The following TNPO2 variants were observed in gnomAD, a reference collection of about 807,000 sequenced individuals.
TNPO2 encodes the protein transportin 2, also known as transportin-2.
A neutral mutation model predicts 111.1 loss-of-function variants in TNPO2; 16 were observed. The observed-to-expected ratio is 0.14, with a 90% CI of 0.10 to 0.22. TNPO2 has a LOEUF of 0.22. Among genes scored for constraint, TNPO2 ranks in the 10% least tolerant of loss-of-function variants. TNPO2 has a pLI of 1.00. For missense variants in TNPO2, 530 were observed against 1,173.7 expected, an observed-to-expected ratio of 0.45 and a Z score of 8.01; for synonymous variants, 481 against 475.8, an observed-to-expected ratio of 1.01 and a Z score of -0.14.
At position 12,699,656 on chromosome 19, in the gene TNPO2, C is replaced by CTA. The variant is rs2025187517; in HGVS notation, c.*1607_*1608insTA. ...AGAAAATTAAAAGGTATTTTTAAAA[C>CTA]TTTTTTTTTTTTTTTTAACAAATGG... is the stretch of plus-strand genomic sequence containing the variant. On this transcript the variant is annotated 3_prime_UTR_variant, in exon 26 of 26. Coordinates refer to ENST00000425528, the MANE Select transcript of TNPO2 (RefSeq NM_001382241.1). The CTA allele has an allele frequency of 1.4e-5, 2 of 138,964 alleles. No homozygotes were observed. Among genetic ancestry groups the CTA allele is most frequent in the African/African-American group, 5.3e-5 (2 of 37,848 alleles). The allele number at this position is 138,964 out of a possible 1,614,324, so 8.6% of individuals were successfully genotyped here. A position where few individuals can be genotyped will look rare whatever the true frequency, so the allele number is the denominator to read the frequency against.
chr19:12,701,833 G>A lies in TNPO2; in HGVS notation c.2430C>T (p.Asn810=), dbSNP rs763616818. 4 of 1,613,544 alleles carry A rather than the reference G, an allele frequency of 2.5e-6. No homozygotes were observed. Among genetic ancestry groups the A allele is most frequent in the Non-Finnish European group, 3.4e-6 (4 of 1,179,814 alleles). ...FIRPWCTSLR[N]IRDNEEKDSA... is the part of the protein sequence containing the mutation. Reference sequence around the variant, plus strand: ...AGTCCTTCTCCTCGTTGTCCCTGATGTTCCTGAGGGACGTGCACCTGTGGG... The same window carrying A: ...AGTCCTTCTCCTCGTTGTCCCTGATATTCCTGAGGGACGTGCACCTGTGGG... The change falls in exon 23 of 26, where the codon AAC becomes AAT. Residue 810 remains asparagine, a synonymous_variant. Coordinates refer to ENST00000425528, the MANE Select transcript of TNPO2 (RefSeq NM_001382241.1). This position sits in a 1 kb window ranked among gnomAD's most constrained non-coding sequence, Gnocchi z 5.0.
In TNPO2 at chr19:12,705,972, G is replaced by T; in HGVS notation, c.1669-204C>A. ...GCCCCACCCCACCCCCCGGGAGCCTGGGTTACCACCTCCTGGTTCCCGAAG... is the reference window on the plus strand; with the variant it reads ...GCCCCACCCCACCCCCCGGGAGCCTTGGTTACCACCTCCTGGTTCCCGAAG... On this transcript the variant is annotated intron_variant, in intron 15 of 25. Transcript: ENST00000425528. This position sits in a 1 kb window ranked among gnomAD's most constrained non-coding sequence, Gnocchi z 7.2. 1 of 657,394 alleles carries T rather than the reference G, an allele frequency of 1.5e-6. No individual in the cohort carries two copies. Among genetic ancestry groups the T allele is most frequent in the South Asian group, 2.0e-5 (1 of 50,656 alleles). 40.7% of individuals were successfully genotyped at this position (657,394 alleles called of 1,614,324 possible).
chr19:12,715,019 C>T lies in TNPO2; in HGVS notation c.771+28G>A, dbSNP rs755528457. The T allele has an allele frequency of 1.8e-5, 28 of 1,574,830 alleles. No individual in the cohort carries two copies. Among genetic ancestry groups the T allele is most frequent in the South Asian group, 1.1e-4 (9 of 85,142 alleles). ...CCCTGCCACCGGCCCCCTGCCTGCC[C>T]GCCTGGGCTGGCCTTGACCATGCAC... On this transcript the variant is annotated intron_variant, in intron 9 of 25. Transcript: ENST00000425528. The surrounding 1 kb of genome is among the most constrained non-coding windows in gnomAD (Gnocchi z 7.1).
chr19:12,700,479 G>A lies in TNPO2; in HGVS notation c.*785C>T, dbSNP rs1468398944. On this transcript the variant is annotated 3_prime_UTR_variant, in exon 26 of 26. Transcript: ENST00000425528. ...TCTGGCCAGCCCCAGCCACTCCAGT[G>A]GTTCTCACCCTGCGAGCTAGGCTAG... 2.6e-5 allele frequency: 4 copies of A among 152,292 alleles called. No homozygotes were observed. The highest frequency in any genetic ancestry group is 5.9e-5 in the Non-Finnish European group (4 of 68,136). 9.4% of individuals were successfully genotyped at this position (152,292 alleles called of 1,614,324 possible).
At position 12,702,992 on chromosome 19, in the gene TNPO2, T is replaced by C. The variant is rs190125393; in HGVS notation, c.2210-74A>G. The C allele has an allele frequency of 9.6e-5, 129 of 1,345,572 alleles. No individual in the cohort carries two copies. The African/African-American group carries it at 1.6e-3, about 16-fold the overall frequency. 83.4% of individuals were successfully genotyped at this position (1,345,572 alleles called of 1,614,324 possible). The stretch of plus-strand genomic sequence containing the variant: ...GGGCCAGGGGGCCGCCCCACCTCAC[T>C]CACTACTCGCCCCAGTTCCAACTAG... On this transcript the variant is annotated intron_variant, in intron 20 of 25. Coordinates refer to ENST00000425528, the MANE Select transcript of TNPO2 (RefSeq NM_001382241.1). This position sits in a 1 kb window ranked among gnomAD's most constrained non-coding sequence, Gnocchi z 5.5.
Position 12,705,216 on chromosome 19 carries a change from T to C in TNPO2, c.2022+24A>G. 6.3e-7 allele frequency: 1 copy of C among 1,591,064 alleles called. No homozygotes were observed. The highest frequency in any genetic ancestry group is 8.6e-7 in the Non-Finnish European group (1 of 1,169,362). Reference sequence around the variant, plus strand: ...AGCCCACGCAGGCTGCTGGGTGTCATCACTGTCCAGGGTCCCCACCCACCT... The same window carrying C: ...AGCCCACGCAGGCTGCTGGGTGTCACCACTGTCCAGGGTCCCCACCCACCT... On this transcript the variant is annotated intron_variant, in intron 18 of 25. Coordinates refer to ENST00000425528, the MANE Select transcript of TNPO2 (RefSeq NM_001382241.1). This position sits in a 1 kb window ranked among gnomAD's most constrained non-coding sequence, Gnocchi z 7.2.
chr19:12,708,011 G>A (rs766038516), intron 13 of TNPO2, among the ~76,000 whole-genome samples: 8 of 152,018 alleles, frequency 5.3e-5, no homozygotes, highest in Non-Finnish European at 1.0e-4. Context: ...TAGCAGAGAC[G>A]AAGTTTCACC....
chr19:12,712,031 CATT>C (rs1251885705), intron 10 of TNPO2, among the ~76,000 whole-genome samples: 4 of 152,034 alleles, frequency 2.6e-5, no homozygotes, highest in Non-Finnish European at 5.9e-5. Flanking sequence ...ATATGAATAT[CATT>C]AATCATTAGT....
Position 12,706,386 on chromosome 19 carries a change from A to C in TNPO2, c.1497-19T>G. On this transcript the variant is annotated intron_variant, in intron 14 of 25. Transcript: ENST00000425528. The surrounding 1 kb of genome is among the most constrained non-coding windows in gnomAD (Gnocchi z 7.0). Reference sequence around the variant, plus strand: ...AAAAGCACTGGTGGGAGGGAGGATGAAGCGGGGGCTCAGTGGACCATGGCA... The same window carrying C: ...AAAAGCACTGGTGGGAGGGAGGATGCAGCGGGGGCTCAGTGGACCATGGCA... 6.2e-7 allele frequency: 1 copy of C among 1,613,928 alleles called. No homozygotes were observed.
chr19:12,709,218 T>G (rs2025892852), intron 13 of TNPO2, among the ~76,000 whole-genome samples: 1 of 149,164 alleles, frequency 6.7e-6, no homozygotes, highest in Non-Finnish European at 1.5e-5. Flanking sequence ...AAAAATTAGC[T>G]GGGCGTGGTG....
At position 12,702,977 on chromosome 19, in the gene TNPO2, G is replaced by C; in HGVS notation, c.2210-59C>G. On this transcript the variant is annotated intron_variant, in intron 20 of 25. Transcript: ENST00000425528. The surrounding 1 kb of genome is among the most constrained non-coding windows in gnomAD (Gnocchi z 5.5). ...CCCCGCCACCCACAGGGGCCAGGGG[G>C]CCGCCCCACCTCACTCACTACTCGC... 7 of 1,508,334 alleles carry C rather than the reference G, an allele frequency of 4.6e-6. No individual in the cohort carries two copies. The highest frequency in any genetic ancestry group is 6.4e-6 in the Non-Finnish European group (7 of 1,090,112). The allele number at this position is 1,508,334 out of a possible 1,614,324, so 93.4% of individuals were successfully genotyped here.
rs1208032946 is a variant in TNPO2, at chr19:12,699,738, T to G, written c.*1526A>C. 1 of 152,158 alleles carries G rather than the reference T, an allele frequency of 6.6e-6. No individual in the cohort carries two copies. The highest frequency in any genetic ancestry group is 2.4e-5 in the African/African-American group (1 of 41,240). The allele number at this position is 152,158 out of a possible 1,614,324, so 9.4% of individuals were successfully genotyped here. ...GGGCGTGCAGGGACACCCAGCTAATTTATGGAATGTGTACTGAGTGCCCCT... is the reference window on the plus strand; with the variant it reads ...GGGCGTGCAGGGACACCCAGCTAATGTATGGAATGTGTACTGAGTGCCCCT... On this transcript the variant is annotated 3_prime_UTR_variant, in exon 26 of 26. Transcript: ENST00000425528.
intron 10 of TNPO2, among the ~76,000 whole-genome samples, chr19:12,712,415 T>C (rs2026116115): frequency 6.6e-6 from 1 of 152,228 alleles, no homozygotes; most frequent in African/African-American, 2.4e-5. Context: ...CAGTCAGGTT[T>C]GCCCGCAGTT....
chr19:12,715,098 A>C lies in TNPO2; in HGVS notation c.720T>G (p.Leu240=). 1 of 1,583,674 alleles carries C rather than the reference A, an allele frequency of 6.3e-7. No homozygotes were observed. The highest frequency in any genetic ancestry group is 8.6e-7 in the Non-Finnish European group (1 of 1,162,808). ...TGAGCCTGTCAATCCGCACTTCCAG[A>C]AGCATCACCAGGGCACGGCACACAT... ...RKNVCRALVM[L]LEVRIDRLIP... Residue 240 remains leucine, a synonymous_variant, in exon 9 of 26, where the codon CTT becomes CTG. Transcript: ENST00000425528. The surrounding 1 kb of genome is among the most constrained non-coding windows in gnomAD (Gnocchi z 7.1).
chr19:12,722,371 G>GGCGCGGCCCCGACGCCCGGGCCGC (rs1294459398), intron 2 of TNPO2: 2 of 149,816 alleles, frequency 1.3e-5, no homozygotes, highest in Non-Finnish European at 3.0e-5. Context: ...TTCCCGGTCG[G>GGCGCGGCCCCGACGCCCGGGCCGC]GCGCGGCCCC....
At position 12,702,855 on chromosome 19, in the gene TNPO2, G is replaced by C; in HGVS notation, c.2273C>G (p.Pro758Arg). 1 of 1,613,920 alleles carries C rather than the reference G, an allele frequency of 6.2e-7. No individual in the cohort carries two copies. Among genetic ancestry groups the C allele is most frequent in the East Asian group, 2.2e-5 (1 of 44,872 alleles). Residue 758 changes from proline (P) to arginine (R), a missense_variant, in exon 21 of 26, where the codon CCC becomes CGC. Around this residue, in one of 4 missense-constraint regions of TNPO2, gnomAD observed 183 missense variants for 481.0 expected, o/e 0.38. Transcript: ENST00000425528. This position sits in a 1 kb window ranked among gnomAD's most constrained non-coding sequence, Gnocchi z 5.5. ...LNNLVEIINR[P>R]NTPKTLLENT... ...TTCCAGCAGTGTCTTGGGTGTGTTG[G>C]GTCGGTTAATGATTTCCACCAGGTT...
At chr19:12,718,992 T>C (rs758031907) in intron 5 of TNPO2, 37 bp downstream of exon 5, 2 of 1,610,138 alleles carry the variant, frequency 1.2e-6, no homozygotes, top group Middle Eastern at 2.1e-4. Flanking sequence ...GAGAGTTCAG[T>C]GTGTCCTCAG....
chr19:12,711,968 TA>T (rs1280553507), intron 10 of TNPO2, among the ~76,000 whole-genome samples: 1 of 150,786 alleles, frequency 6.6e-6, no homozygotes. Flanking sequence ...TCCAGTATAA[TA>T]AAATATAAAA....
chr19:12,710,859 GATC>G, intron 12 of TNPO2, 86 bp from the exon 13 acceptor site: 1 of 1,289,708 alleles, frequency 7.8e-7, no homozygotes, highest in Non-Finnish European at 1.1e-6. Context: ...CAGGATCAGA[GATC>G]ATGCTCAGAA....
Sources: allele counts gnomAD v4.1 joint callset (sites outside exome capture counted in the v4.1 genomes callset), GRCh38; gene constraint gnomAD v4.1.1; regional missense constraint gnomAD v4.1.1; non-coding constraint Gnocchi (gnomAD v3.1); transcripts MANE v1.5; gene names NCBI Gene and HGNC (gene_info 2026-07-23, HGNC 2026-07-21).